NEDD4L: variants seen among roughly 807,000 people sequenced by gnomAD.
NEDD4L encodes NEDD4 like E3 ubiquitin protein ligase.
NEDD4L carries 54 observed loss-of-function variants against 148.9 expected under a neutral mutation model. The ratio of observed to expected loss-of-function variants is 0.36; its 90% confidence interval spans 0.29 to 0.45. The LOEUF (loss-of-function observed/expected upper bound fraction) is 0.45. Ranked by LOEUF, NEDD4L falls within the 20% of genes least tolerant of loss-of-function variation. The pLI, the probability that NEDD4L is intolerant of heterozygous loss-of-function variation, is 1.00. For missense variants in NEDD4L, 856 were observed against 1,233.8 expected (o/e 0.69, Z 4.59); for synonymous variants, 433 against 440.7 (o/e 0.98, Z 0.22).
chr18:58,055,320 A>G (rs1407268938), intron 1 of NEDD4L, among the ~76,000 whole-genome samples: 1 of 152,212 alleles, frequency 6.6e-6, no homozygotes, highest in African/African-American at 2.4e-5. Flanking sequence ...AAAACTAACT[A>G]GGGATATATT....
chr18:58,048,274 A>G (rs1438777818), intron 1 of NEDD4L, among the ~76,000 whole-genome samples: 2 of 152,162 alleles, frequency 1.3e-5, no homozygotes, highest in Non-Finnish European at 2.9e-5. Context: ...TCATTTACAT[A>G]TAATTATCTA....
At chr18:58,160,062 A>C in intron 1 of NEDD4L, among the ~76,000 whole-genome samples, 1 of 152,240 alleles carries the variant, frequency 6.6e-6, no homozygotes, top group East Asian at 1.9e-4. Context: ...TTACCTCCTT[A>C]AGACAAAGTC....
chr18:58,297,900 C>T (rs550859935), intron 5 of NEDD4L, among the ~76,000 whole-genome samples: 6 of 152,240 alleles, frequency 3.9e-5, no homozygotes, highest in Admixed American at 6.5e-5. Flanking sequence ...AGTCTTTTCC[C>T]GGGAGCCCCC....
intron 5 of NEDD4L, among the ~76,000 whole-genome samples, chr18:58,289,810 A>T (rs1363819384): frequency 6.6e-6 from 1 of 152,228 alleles, no homozygotes; most frequent in Non-Finnish European, 1.5e-5. Context: ...TGAAATCTAT[A>T]TGCACAAATT....
chr18:58,361,699 G>A (rs773127495), intron 19 of NEDD4L, among the ~76,000 whole-genome samples: 1 of 152,038 alleles, frequency 6.6e-6, no homozygotes, highest in Non-Finnish European at 1.5e-5. Context: ...ATTTAGAACC[G>A]ACCTACACAA....
rs1007792193 is a variant in NEDD4L at position 58,400,533 on chromosome 18, A to G, written c.*4264A>G. On this transcript the variant is annotated 3_prime_UTR_variant, in exon 31 of 31. Transcript: ENST00000400345. The stretch of plus-strand genomic sequence containing the variant: ...GGAGCTTGGAGAACGTTTTCTAGAA[A>G]AGGGTTAGCTTCCTGTTGGCATGAA... 2.6e-5 allele frequency: 4 copies of G among 152,166 alleles called. No homozygotes were observed. The highest frequency in any genetic ancestry group is 6.5e-5 in the Admixed American group (1 of 15,282). The allele number at this position is 152,166 out of a possible 1,614,324, so 9.4% of individuals were successfully genotyped here.
rs142720736 is a variant in NEDD4L at position 58,226,362 on chromosome 18, A to G, written c.123-19065A>G. On this transcript the variant is annotated intron_variant, in intron 2 of 30. Coordinates refer to ENST00000400345, the MANE Select transcript of NEDD4L (RefSeq NM_001144967.3). ...CCAGCTTTGTCATTTGCCAAATGCA[A>G]TTGTGTTAAATTAAGTGACCTCCAA... is the stretch of plus-strand genomic sequence containing the variant. Among the ~76,000 whole-genome samples, 563 of 152,288 alleles carry G rather than the reference A, an allele frequency of 3.7e-3. 1 individual carries two copies. Among genetic ancestry groups the G allele is most frequent in the Non-Finnish European group, 6.3e-3 (428 of 68,018 alleles).
At chr18:58,116,808 T>A (rs1598901198) in intron 1 of NEDD4L, among the ~76,000 whole-genome samples, 1 of 152,236 alleles carries the variant, frequency 6.6e-6, no homozygotes, top group Non-Finnish European at 1.5e-5. Flanking sequence ...CTTGAGCTGC[T>A]CTTCACACTG....
intron 5 of NEDD4L, among the ~76,000 whole-genome samples, chr18:58,299,977 G>GA (rs1212853153): frequency 6.6e-6 from 1 of 151,982 alleles, no homozygotes; most frequent in African/African-American, 2.4e-5. Flanking sequence ...CCAGCAAAAA[G>GA]AAAAAAACCA....
chr18:58,382,012 T>C (rs1601930109), intron 24 of NEDD4L, among the ~76,000 whole-genome samples: 1 of 152,268 alleles, frequency 6.6e-6, no homozygotes, highest in African/African-American at 2.4e-5. Context: ...AAAATTCACA[T>C]TGGGCACAGT....
intron 1 of NEDD4L, among the ~76,000 whole-genome samples, chr18:58,141,993 T>C (rs923850419): frequency 2.6e-5 from 4 of 150,994 alleles, no homozygotes; most frequent in Non-Finnish European, 5.9e-5. Flanking sequence ...CACTGTGGGT[T>C]TTGTCTACCC....
chr18:58,363,926 C>T (rs1012426835), intron 19 of NEDD4L, among the ~76,000 whole-genome samples: 7 of 152,186 alleles, frequency 4.6e-5, no homozygotes, highest in African/African-American at 1.2e-4. Context: ...TAACTCTTAC[C>T]TAAACCACAG....
chr18:58,373,335 T>C, intron 24 of NEDD4L, 66 bp downstream of exon 24: 4 of 901,756 alleles, frequency 4.4e-6, no homozygotes, highest in Non-Finnish European at 7.2e-6. Context: ...CTTGACGGGC[T>C]GTAACACAAC....
chr18:58,169,770 C>T (rs1183290057), intron 2 of NEDD4L, among the ~76,000 whole-genome samples: 1 of 152,160 alleles, frequency 6.6e-6, no homozygotes, highest in Non-Finnish European at 1.5e-5. Context: ...GGTGACTCCT[C>T]CAGTGGCCCA....
Position 58,300,455 on chromosome 18 carries a change from A to G in NEDD4L, c.298-15527A>G, listed in dbSNP as rs2056313262. On this transcript the variant is annotated intron_variant, in intron 5 of 30. Transcript: ENST00000400345. ...ATCCTCCCAAACACCTCTCAGTGTTATCCCCACTTTGCAAATGCAGTAGTA... is the reference window on the plus strand; with the variant it reads ...ATCCTCCCAAACACCTCTCAGTGTTGTCCCCACTTTGCAAATGCAGTAGTA... 2.0e-5 allele frequency among the ~76,000 whole-genome samples: 3 copies of G among 152,238 alleles called. No individual in the cohort carries two copies. In the South Asian group the frequency reaches 6.2e-4, roughly 32 times the overall value.
chr18:58,065,999 A>C (rs8084079), intron 1 of NEDD4L, among the ~76,000 whole-genome samples: 2,697 of 152,326 alleles, frequency 0.018, 70 homozygotes, highest in African/African-American at 0.062. Context: ...GTGTTTAAAG[A>C]ATATTCAGAA....
intron 6 of NEDD4L, among the ~76,000 whole-genome samples, chr18:58,317,493 GA>G (rs2149431070): frequency 6.6e-6 from 1 of 152,276 alleles, no homozygotes; most frequent in Non-Finnish European, 1.5e-5. Context: ...TTGGCCAGGG[GA>G]AATTATTTTC....
intron 1 of NEDD4L, among the ~76,000 whole-genome samples, chr18:58,070,052 G>A (rs1184931345): frequency 3.3e-5 from 5 of 152,086 alleles, no homozygotes; most frequent in South Asian, 2.1e-4. Flanking sequence ...GTCACAATTC[G>A]ACCATTTGGC....
intron 4 of NEDD4L, among the ~76,000 whole-genome samples, chr18:58,250,220 G>A (rs1476610446): frequency 6.7e-6 from 1 of 150,006 alleles, no homozygotes; most frequent in Non-Finnish European, 1.5e-5. Context: ...CACAATCTTA[G>A]CTCACTGCAA....
Sources: gnomAD v4.1 joint callset for allele counts (sites outside exome capture counted in the v4.1 genomes callset) on GRCh38, gnomAD v4.1.1 for gene constraint, MANE v1.5 for transcripts, NCBI Gene and HGNC (gene_info 2026-07-23, HGNC 2026-07-21) for gene names.